The following EXOC7 variants were observed in gnomAD, a reference collection of about 807,000 sequenced individuals.
EXOC7 encodes exocyst complex component 7, also known as exocyst complex component Exo70.
A neutral mutation model predicts 87.6 loss-of-function variants in EXOC7; 51 were observed. That is an observed-to-expected ratio of 0.58 (90% CI 0.46 to 0.73). The LOEUF (loss-of-function observed/expected upper bound fraction) is 0.73. EXOC7 is among the 30% of genes least tolerant of loss of function. EXOC7 has a pLI of 0.00. For missense variants in EXOC7, 744 were observed against 888.4 expected (o/e 0.84, Z 2.07); for synonymous variants, 327 against 357.1 (o/e 0.92, Z 0.95).
chr17:76,100,730 C>T (rs557012648), intron 4 of EXOC7, among the ~76,000 whole-genome samples: 62 of 152,272 alleles, frequency 4.1e-4, no homozygotes, highest in African/African-American at 1.3e-3. Flanking sequence ...CAATGGCTCA[C>T]GCCTGTAATC....
intron 13 of EXOC7, 46 bp downstream of exon 13, chr17:76,086,034 G>A: frequency 6.2e-7 from 1 of 1,602,242 alleles, no homozygotes. Context: ...GGAAAGGCAG[G>A]GCATGCAGGC....
In EXOC7 at chr17:76,081,692, CTCG is replaced by C; in HGVS notation, c.*1953_*1955del. On this transcript the variant is annotated 3_prime_UTR_variant, in exon 19 of 19. Coordinates refer to ENST00000589210, the MANE Select transcript of EXOC7 (RefSeq NM_001013839.4). Reference sequence around the variant, plus strand: ...CAAGGTGACATTGCTGCTGAGTTACCTCGTCCTCCACTCCTCCCTGGTGCAGGC... The same window carrying C: ...CAAGGTGACATTGCTGCTGAGTTACCTCCTCCACTCCTCCCTGGTGCAGGC... The C allele has an allele frequency of 6.2e-7, 1 of 1,614,146 alleles. No homozygotes were observed.
intron 5 of EXOC7, among the ~76,000 whole-genome samples, chr17:76,094,958 G>A (rs1214008199): frequency 7.8e-6 from 1 of 127,920 alleles, no homozygotes; most frequent in Admixed American, 7.4e-5. Flanking sequence ...CTGATAATTA[G>A]TTGTAAGTTG....
chr17:76,103,704 CCG>C lies in EXOC7; in HGVS notation c.-14_-13del, dbSNP rs1014557427. 2 of 1,601,634 alleles carry C rather than the reference CCG, an allele frequency of 1.2e-6. No homozygotes were observed. Among genetic ancestry groups the C allele is most frequent in the African/African-American group, 2.7e-5 (2 of 74,444 alleles). ...TGTGGGGGAATCATCGCTCTGAACCCCGCGGCTCCCACTCCCCAGTATCTTTC... is the reference window on the plus strand; with the variant it reads ...TGTGGGGGAATCATCGCTCTGAACCCCGGCTCCCACTCCCCAGTATCTTTC... On this transcript the variant is annotated 5_prime_UTR_variant, in exon 1 of 19. Transcript: ENST00000589210.
rs1345222335 is a variant in EXOC7, at chr17:76,082,447, G to C, written c.*1201C>G. The C allele has an allele frequency of 3.1e-6, 5 of 1,589,004 alleles. No individual in the cohort carries two copies. The highest frequency in any genetic ancestry group is 1.3e-5 in the African/African-American group (1 of 74,082). ...ACCTTGAAGAACAGCTCCTTTCCCT[G>C]TATCTCTCCCCACAGAGCCCTCCAG... On this transcript the variant is annotated 3_prime_UTR_variant, in exon 19 of 19. Coordinates refer to ENST00000589210, the MANE Select transcript of EXOC7 (RefSeq NM_001013839.4).
intron 4 of EXOC7, chr17:76,100,912 CAG>C (rs1180321740): frequency 1.3e-5 from 2 of 157,372 alleles, no homozygotes; most frequent in African/African-American, 4.8e-5. Flanking sequence ...ACCTGGGAGG[CAG>C]AGGTTGCAGT....
intron 6 of EXOC7, chr17:76,092,687 T>C (rs1598323909): frequency 6.6e-6 from 1 of 152,194 alleles, no homozygotes; most frequent in East Asian, 1.9e-4. Context: ...AATGAGTGAA[T>C]CTGATTCCTG....
Position 76,103,615 on chromosome 17 carries a change from C to CCCCAGG in EXOC7, c.60+12_60+17dup. ...CTTTCCCTCACCTCCTCCCCAGCCTCCCCAGGCCCACGCCCACCTGCTTCA... is the reference window on the plus strand; with the variant it reads ...CTTTCCCTCACCTCCTCCCCAGCCTCCCCAGGCCCAGGCCCACGCCCACCTGCTTCA... On this transcript the variant is annotated intron_variant, in intron 1 of 18. Coordinates refer to ENST00000589210, the MANE Select transcript of EXOC7 (RefSeq NM_001013839.4). 1 of 1,613,194 alleles carries CCCCAGG rather than the reference C, an allele frequency of 6.2e-7. No individual in the cohort carries two copies. Among genetic ancestry groups the CCCCAGG allele is most frequent in the Non-Finnish European group, 8.5e-7 (1 of 1,179,618 alleles).
At chr17:76,099,860 T>C (rs2067971135) in intron 4 of EXOC7, among the ~76,000 whole-genome samples, 1 of 152,116 alleles carries the variant, frequency 6.6e-6, no homozygotes, top group African/African-American at 2.4e-5. Flanking sequence ...CCCAACACTT[T>C]GAGAGGCCAA....
At chr17:76,085,230 ACT>A in intron 15 of EXOC7, 82 bp downstream of exon 15, 4 of 1,151,810 alleles carry the variant, frequency 3.5e-6, no homozygotes, top group Non-Finnish European at 5.0e-6. Context: ...CCCGTGACCG[ACT>A]CTGTGTCCTG....
rs34069210 is a variant in EXOC7, at chr17:76,094,968, G to GTTT, written c.641-390_641-388dup. On this transcript the variant is annotated intron_variant, in intron 5 of 18. Coordinates refer to ENST00000589210, the MANE Select transcript of EXOC7 (RefSeq NM_001013839.4). ...TAGAACTGATAATTAGTTGTAAGTTGTTTTTTTTTTGAGACAAGGTCTTAC... is the reference window on the plus strand; with the variant it reads ...TAGAACTGATAATTAGTTGTAAGTTGTTTTTTTTTTTTTGAGACAAGGTCTTAC... Among the ~76,000 whole-genome samples, 1,205 of 147,602 alleles carry GTTT rather than the reference G, an allele frequency of 8.2e-3. 18 individuals carry two copies. The highest frequency in any genetic ancestry group is 0.027 in the African/African-American group (1,088 of 40,240).
Position 76,089,261 on chromosome 17 carries a change from C to T in EXOC7, c.961G>A (p.Val321Ile), listed in dbSNP as rs867091843. 9.9e-6 allele frequency: 16 copies of T among 1,613,992 alleles called. No homozygotes were observed. The highest frequency in any genetic ancestry group is 2.7e-5 in the African/African-American group (2 of 74,912). ...DAYIHCVSAF[V>I]KLAQSEYQLL... ...TGGTACTCGCTCTGCGCCAGCTTGACGAAGGCACTGACGCAGTGGATGTAG... is the reference window on the plus strand; with the variant it reads ...TGGTACTCGCTCTGCGCCAGCTTGATGAAGGCACTGACGCAGTGGATGTAG... Residue 321 changes from valine (V) to isoleucine (I), a missense_variant, in exon 8 of 19, where the codon GTC (valine) becomes ATC (isoleucine). Physicochemically the swap from Val to Ile is conservative, Grantham distance 29 (BLOSUM62 3). This residue lies in a region of EXOC7 where 512 missense variants were observed against 573.0 expected (regional missense o/e 0.89). Coordinates refer to ENST00000589210, the MANE Select transcript of EXOC7 (RefSeq NM_001013839.4).
intron 6 of EXOC7, chr17:76,093,681 GGCA>G (rs1250277029): frequency 6.6e-6 from 1 of 152,372 alleles, no homozygotes; most frequent in African/African-American, 2.4e-5. Context: ...TCGAGCTGCG[GGCA>G]GCATCTCTCA....
chr17:76,099,732 A>G (rs1235666084), intron 4 of EXOC7, among the ~76,000 whole-genome samples: 1 of 152,174 alleles, frequency 6.6e-6, no homozygotes, highest in East Asian at 1.9e-4. Flanking sequence ...AAGACAGAAA[A>G]TAGATTTGTG....
intron 6 of EXOC7, chr17:76,091,474 T>C: frequency 1.9e-6 from 1 of 528,554 alleles, no homozygotes; most frequent in Non-Finnish European, 3.4e-6. Context: ...TCAGCTCATT[T>C]CTGAAAGGAC....
chr17:76,103,307 C>T (rs922635562), intron 2 of EXOC7, 54 bp downstream of exon 2: 2 of 1,521,446 alleles, frequency 1.3e-6, no homozygotes, highest in African/African-American at 1.4e-5. Context: ...GGTCGCAAGG[C>T]TCTCCCCCAG....
chr17:76,101,559 G>A (rs1405092889), intron 3 of EXOC7, 120 bp downstream of exon 3: 1 of 1,375,068 alleles, frequency 7.3e-7, no homozygotes, highest in African/African-American at 1.5e-5. Flanking sequence ...GACTGGTCTT[G>A]AACTCCTAGT....
intron 7 of EXOC7, chr17:76,090,438 C>A: frequency 6.4e-7 from 1 of 1,551,668 alleles, no homozygotes; most frequent in Non-Finnish European, 8.7e-7. Flanking sequence ...CAGCGTTTAT[C>A]CAGGGGCCAG....
chr17:76,096,398 C>T (rs984373237), intron 5 of EXOC7, among the ~76,000 whole-genome samples: 3 of 151,556 alleles, frequency 2.0e-5, no homozygotes, highest in Admixed American at 6.6e-5. Flanking sequence ...ACCTGTAACC[C>T]CAGCTACTTG....
Sources: allele counts gnomAD v4.1 joint callset (sites outside exome capture counted in the v4.1 genomes callset), GRCh38; gene constraint gnomAD v4.1.1; regional missense constraint gnomAD v4.1.1; transcripts MANE v1.5; gene names NCBI Gene and HGNC (gene_info 2026-07-23, HGNC 2026-07-21).